Variants in MACROD2 observed in about 807,000 individuals in gnomAD.
MACROD2 encodes mono-ADP ribosylhydrolase 2, also known as ADP-ribose glycohydrolase MACROD2.
In MACROD2, 36 loss-of-function variants were observed where a neutral mutation model predicts 70.4. The ratio of observed to expected loss-of-function variants is 0.51; its 90% CI spans 0.39 to 0.68. MACROD2 has a LOEUF of 0.68. Ranked by LOEUF, MACROD2 falls within the 30% of genes least tolerant of loss-of-function variation. The probability of loss-of-function intolerance (pLI) is 0.00; values close to 1 mark genes in which losing one functional copy is unlikely to be tolerated. For synonymous variants in MACROD2, 172 were observed against 178.8 expected (o/e 0.96, Z 0.30); for missense variants, 496 against 538.4 (o/e 0.92, Z 0.78).
At chr20:15,777,686 C>T (rs2051755878) in intron 8 of MACROD2, among the ~76,000 whole-genome samples, 1 of 146,450 alleles carries the variant, frequency 6.8e-6, no homozygotes, top group South Asian at 2.2e-4. Context: ...ACTCTGTTGC[C>T]CAGACTGGAG....
At chr20:14,273,678 A>G (rs1386377837) in intron 3 of MACROD2, among the ~76,000 whole-genome samples, 3 of 151,756 alleles carry the variant, frequency 2.0e-5, no homozygotes, top group Non-Finnish European at 4.4e-5. Context: ...GACACAAAAA[A>G]CCCTTCAAAA....
At chr20:15,070,443 G>T (rs2075609983) in intron 5 of MACROD2, among the ~76,000 whole-genome samples, 1 of 152,064 alleles carries the variant, frequency 6.6e-6, no homozygotes, top group African/African-American at 2.4e-5. Context: ...GGGGTAGAAT[G>T]ATATGGCCTG....
At chr20:14,340,004 T>G (rs2082996969) in intron 3 of MACROD2, among the ~76,000 whole-genome samples, 2 of 152,206 alleles carry the variant, frequency 1.3e-5, no homozygotes, top group African/African-American at 4.8e-5. Context: ...GTGCCCCCTT[T>G]GAAATAGTAT....
At chr20:14,281,786 T>G (rs1247275147) in intron 3 of MACROD2, among the ~76,000 whole-genome samples, 1 of 151,712 alleles carries the variant, frequency 6.6e-6, no homozygotes, top group Non-Finnish European at 1.5e-5. Context: ...AATACAAAAA[T>G]TAGCCGGGCG....
chr20:14,381,228 A>G (rs1391128920), intron 3 of MACROD2, among the ~76,000 whole-genome samples: 1 of 152,196 alleles, frequency 6.6e-6, no homozygotes, highest in Non-Finnish European at 1.5e-5. Flanking sequence ...AGAACTATTC[A>G]TATATTTGAA....
chr20:14,195,577 C>T (rs2081423817), intron 3 of MACROD2, among the ~76,000 whole-genome samples: 1 of 151,890 alleles, frequency 6.6e-6, no homozygotes. Flanking sequence ...TATAAAAACC[C>T]CCGAGACCCT....
At chr20:14,806,680 A>G (rs1036957656) in intron 5 of MACROD2, among the ~76,000 whole-genome samples, 6 of 152,108 alleles carry the variant, frequency 3.9e-5, no homozygotes, top group African/African-American at 1.4e-4. Flanking sequence ...CAGCAAGCTA[A>G]TATCCACTGG....
At chr20:14,867,048 GA>G (rs1040419642) in intron 5 of MACROD2, among the ~76,000 whole-genome samples, 8 of 152,190 alleles carry the variant, frequency 5.3e-5, no homozygotes, top group African/African-American at 1.9e-4. Flanking sequence ...ACGTAACTGA[GA>G]GCAATCTGAC....
chr20:14,478,406 C>T (rs572485180), intron 3 of MACROD2, among the ~76,000 whole-genome samples: 1 of 152,284 alleles, frequency 6.6e-6, no homozygotes, highest in Admixed American at 6.5e-5. Flanking sequence ...TATCTGCTGT[C>T]ATTTGAATTG....
chr20:15,360,698 G>A (rs1311293518), intron 6 of MACROD2, among the ~76,000 whole-genome samples: 1 of 151,982 alleles, frequency 6.6e-6, no homozygotes, highest in Non-Finnish European at 1.5e-5. Flanking sequence ...ATGCATAAAA[G>A]GTCTAGTTTC....
chr20:15,561,566 G>C (rs1039418622), intron 8 of MACROD2, among the ~76,000 whole-genome samples: 3 of 152,074 alleles, frequency 2.0e-5, no homozygotes, highest in Admixed American at 2.0e-4. Flanking sequence ...GGCCTCATCT[G>C]CCTTCAGTAG....
At chr20:14,511,897 A>G (rs1438959252) in intron 4 of MACROD2, among the ~76,000 whole-genome samples, 1 of 151,220 alleles carries the variant, frequency 6.6e-6, no homozygotes, top group Non-Finnish European at 1.5e-5. Context: ...ATTCTTCCAT[A>G]GCACTGTACT....
chr20:15,735,965 T>TAG (rs10645959), intron 8 of MACROD2, among the ~76,000 whole-genome samples: 129,728 of 151,954 alleles, frequency 0.85, 55,755 homozygotes, highest in African/African-American at 0.89. Context: ...CTAAACTCCT[T>TAG]AGGGATATAT....
chr20:15,937,596 T>C (rs760279030), intron 12 of MACROD2, 52 bp downstream of exon 12: 2 of 1,511,532 alleles, frequency 1.3e-6, no homozygotes, highest in Non-Finnish European at 1.8e-6. Context: ...AAAGAGACTG[T>C]TTGGGCTTGT....
At chr20:15,824,468 G>A (rs909804669) in intron 8 of MACROD2, among the ~76,000 whole-genome samples, 2 of 152,166 alleles carry the variant, frequency 1.3e-5, no homozygotes, top group Non-Finnish European at 2.9e-5. Flanking sequence ...ATGCAAGCTT[G>A]AATGAAAATT....
chr20:14,376,959 A>G (rs1258633264), intron 3 of MACROD2, among the ~76,000 whole-genome samples: 1 of 151,968 alleles, frequency 6.6e-6, no homozygotes, highest in Non-Finnish European at 1.5e-5. Flanking sequence ...TCTTGTGAGG[A>G]TTTTATAAAA....
chr20:14,382,708 A>C (rs1213561630), intron 3 of MACROD2, among the ~76,000 whole-genome samples: 1 of 151,830 alleles, frequency 6.6e-6, no homozygotes, highest in Non-Finnish European at 1.5e-5. Flanking sequence ...ATAAAAGGTT[A>C]ATCTGAATTC....
At chr20:15,860,632 G>A (rs2064412657) in intron 8 of MACROD2, among the ~76,000 whole-genome samples, 1 of 151,968 alleles carries the variant, frequency 6.6e-6, no homozygotes, top group African/African-American at 2.4e-5. Context: ...TAATATGAGA[G>A]CCATGTACCT....
At chr20:15,450,969 T>G (rs1034969090) in intron 7 of MACROD2, among the ~76,000 whole-genome samples, 2 of 152,188 alleles carry the variant, frequency 1.3e-5, no homozygotes, top group African/African-American at 4.8e-5. Context: ...ATACTGGGCT[T>G]GACAAGCTAA....
Sources: gnomAD v4.1 joint callset for allele counts (sites outside exome capture counted in the v4.1 genomes callset) on GRCh38, gnomAD v4.1.1 for gene constraint, MANE v1.5 for transcripts, NCBI Gene and HGNC (gene_info 2026-07-23, HGNC 2026-07-21) for gene names.